The following AKT3 variants were observed in gnomAD, a reference collection of about 807,000 sequenced individuals.
AKT3 encodes RAC-gamma serine/threonine-protein kinase.
A neutral mutation model predicts 65.3 loss-of-function variants in AKT3; 15 were observed. The observed-to-expected ratio is 0.23, with a 90% CI of 0.15 to 0.35. The LOEUF is 0.35. Ranked by LOEUF, AKT3 falls within the 10% of genes least tolerant of loss-of-function variation. The pLI, the probability that AKT3 is intolerant of heterozygous loss-of-function variation, is 1.00. For synonymous variants in AKT3, 206 were observed against 183.8 expected (o/e 1.12, Z -0.98); for missense variants, 243 against 576.5 (o/e 0.42, Z 5.92).
chr1:243,512,538 T>C, intron 12 of AKT3, 112 bp from the exon 13 acceptor site: 1 of 678,782 alleles, frequency 1.5e-6, no homozygotes, highest in South Asian at 1.8e-5. Context: ...AAGTCTACAA[T>C]GCTGAGTCGC....
chr1:243,825,836 T>C lies in AKT3; in HGVS notation c.46+17289A>G, dbSNP rs1009291341. ...CAGGATACCAAAACTATCTTTTTTTTAAGAAGGGAGCATAGCCAGGTGCGG... is the reference window on the plus strand; with the variant it reads ...CAGGATACCAAAACTATCTTTTTTTCAAGAAGGGAGCATAGCCAGGTGCGG... On this transcript the variant is annotated intron_variant, in intron 2 of 13. Transcript: ENST00000673466. Among the ~76,000 whole-genome samples, 3 of 152,230 alleles carry C rather than the reference T, an allele frequency of 2.0e-5. No homozygotes were observed. In the East Asian group the frequency reaches 5.8e-4, roughly 29 times the overall value.
At chr1:243,595,390 TTAC>T (rs754984067) in intron 8 of AKT3, among the ~76,000 whole-genome samples, 3 of 152,196 alleles carry the variant, frequency 2.0e-5, no homozygotes, top group Non-Finnish European at 4.4e-5. Flanking sequence ...GCCTAGGTGA[TTAC>T]TGTAGACTAT....
chr1:243,684,872 T>G (rs566300689), intron 3 of AKT3, among the ~76,000 whole-genome samples: 1 of 152,234 alleles, frequency 6.6e-6, no homozygotes, highest in African/African-American at 2.4e-5. Context: ...GGATGGTATC[T>G]CATTGTGTTT....
intron 2 of AKT3, among the ~76,000 whole-genome samples, chr1:243,762,003 C>G (rs1275203977): frequency 6.6e-6 from 1 of 152,038 alleles, no homozygotes; most frequent in Non-Finnish European, 1.5e-5. Flanking sequence ...CAAAATAACA[C>G]ATTTTGGTCA....
intron 2 of AKT3, among the ~76,000 whole-genome samples, chr1:243,729,603 A>C (rs1002742508): frequency 6.6e-6 from 1 of 152,212 alleles, no homozygotes; most frequent in African/African-American, 2.4e-5. Context: ...CTGTCTAATG[A>C]TCAGGGAGAA....
chr1:243,746,819 G>A (rs1342451746), intron 2 of AKT3, among the ~76,000 whole-genome samples: 2 of 152,062 alleles, frequency 1.3e-5, no homozygotes, highest in African/African-American at 2.4e-5. Context: ...AAGAAACAGA[G>A]GATGAAGGAG....
chr1:243,732,193 C>T (rs527476444), intron 2 of AKT3, among the ~76,000 whole-genome samples: 1 of 152,246 alleles, frequency 6.6e-6, no homozygotes, highest in Admixed American at 6.5e-5. Context: ...GCCAAGAGCC[C>T]AGAACGGTCA....
At chr1:243,525,992 C>CAAA (rs1553395719) in intron 12 of AKT3, among the ~76,000 whole-genome samples, 6 of 151,158 alleles carry the variant, frequency 4.0e-5, no homozygotes, top group Non-Finnish European at 5.9e-5. Context: ...ACATTATAGT[C>CAAA]AAAAGGCTTA....
intron 13 of AKT3, among the ~76,000 whole-genome samples, chr1:243,490,662 G>GC (rs1300366353): frequency 6.6e-6 from 1 of 152,256 alleles, no homozygotes; most frequent in Non-Finnish European, 1.5e-5. Flanking sequence ...CAGGCGGGAT[G>GC]CCCCACGGGC....
intron 8 of AKT3, among the ~76,000 whole-genome samples, chr1:243,581,661 G>GT (rs1675366749): frequency 1.3e-5 from 2 of 151,948 alleles, no homozygotes. Context: ...AAAAAGCAGC[G>GT]TAAGAATTCC....
intron 12 of AKT3, among the ~76,000 whole-genome samples, chr1:243,513,484 T>C (rs1352295633): frequency 6.6e-6 from 1 of 152,166 alleles, no homozygotes; most frequent in Non-Finnish European, 1.5e-5. Flanking sequence ...CAGTGCATTT[T>C]CCCACTCTTT....
chr1:243,757,561 T>C (rs1689214800), intron 2 of AKT3, among the ~76,000 whole-genome samples: 1 of 151,556 alleles, frequency 6.6e-6, no homozygotes, highest in Admixed American at 6.6e-5. Flanking sequence ...GAGGCTGCAG[T>C]GAGCCAAGAT....
intron 11 of AKT3, among the ~76,000 whole-genome samples, chr1:243,549,925 A>T (rs767632793): frequency 1.3e-5 from 2 of 152,166 alleles, no homozygotes; most frequent in Non-Finnish European, 2.9e-5. Context: ...ATAATCTAAT[A>T]TATCAGCTTC....
chr1:243,734,250 A>C (rs968815479), intron 2 of AKT3, among the ~76,000 whole-genome samples: 4 of 152,230 alleles, frequency 2.6e-5, no homozygotes, highest in Non-Finnish European at 4.4e-5. Context: ...ATCAAAGTTC[A>C]CAAATAAACT....
chr1:243,619,472 G>GGT lies in AKT3; in HGVS notation c.562-4312_562-4311insAC, dbSNP rs1356696817. 5.9e-5 allele frequency among the ~76,000 whole-genome samples: 6 copies of GGT among 101,424 alleles called. 2 individuals are homozygous for GGT. Among genetic ancestry groups the GGT allele is most frequent in the Non-Finnish European group, 1.4e-4 (5 of 35,950 alleles). The allele number at this position is 101,424 out of a possible 152,430, so 66.5% of individuals were successfully genotyped here. ...TAGGTCTTATTACAACTGTACTTCT[G>GGT]TACCTATTAATCAACTCCATCTCCC... On this transcript the variant is annotated intron_variant, in intron 6 of 13. Coordinates refer to ENST00000673466, the MANE Select transcript of AKT3 (RefSeq NM_005465.7).
At chr1:243,605,687 G>A (rs745884478) in intron 8 of AKT3, among the ~76,000 whole-genome samples, 3 of 152,178 alleles carry the variant, frequency 2.0e-5, no homozygotes, top group Non-Finnish European at 4.4e-5. Context: ...ATTTTTCACA[G>A]CCAACATTTC....
intron 2 of AKT3, among the ~76,000 whole-genome samples, chr1:243,700,872 A>G (rs1685410846): frequency 6.6e-6 from 1 of 152,174 alleles, no homozygotes; most frequent in South Asian, 2.1e-4. Context: ...CTTTCCACCT[A>G]AAAGATCTGG....
chr1:243,702,360 C>T (rs1194942199), intron 2 of AKT3, among the ~76,000 whole-genome samples: 1 of 152,174 alleles, frequency 6.6e-6, no homozygotes, highest in East Asian at 1.9e-4. Flanking sequence ...TGGAGTCACA[C>T]AGCTTGGGTT....
intron 2 of AKT3, among the ~76,000 whole-genome samples, chr1:243,748,588 T>C (rs1199774464): frequency 6.6e-6 from 1 of 152,206 alleles, no homozygotes; most frequent in African/African-American, 2.4e-5. Context: ...AACTTTAATG[T>C]AGAATTTCAG....
Sources: allele counts gnomAD v4.1 joint callset (sites outside exome capture counted in the v4.1 genomes callset), GRCh38; gene constraint gnomAD v4.1.1; transcripts MANE v1.5; gene names NCBI Gene and HGNC (gene_info 2026-07-23, HGNC 2026-07-21).